The following FGFR2 variants were observed in gnomAD, a reference collection of about 807,000 sequenced individuals.
The protein encoded by FGFR2 is BEK fibroblast growth factor receptor.
In FGFR2, 19 loss-of-function variants were observed where a neutral mutation model predicts 95.9. The ratio of observed to expected loss-of-function variants is 0.20; its 90% CI spans 0.14 to 0.29. The LOEUF (loss-of-function observed/expected upper bound fraction) is 0.29, where lower values mean the gene tolerates loss of function less well. Among genes scored for constraint, FGFR2 ranks in the 10% least tolerant of loss-of-function variants. FGFR2 has a pLI of 1.00. For missense variants in FGFR2, 707 were observed against 1,056.9 expected (o/e 0.67, Z 4.59); for synonymous variants, 392 against 393.3 (o/e 1.00, Z 0.04).
rs2133941394 is a variant in FGFR2 at position 121,496,659 on chromosome 10, C to T, written c.1736G>A (p.Arg579Gln). Residue 579 changes from arginine to glutamine, a missense_variant, in exon 13 of 18, where the codon CGG becomes CAG. Physicochemically the swap from Arg to Gln is conservative, Grantham distance 43. Transcript: ENST00000358487. ...KGNLREYLRA[R>Q]RPPGMEYSYD... is the part of the protein sequence containing the mutation. Reference sequence around the variant, plus strand: ...GGAGTACTCCATCCCGGGTGGCCTCCGGGCTCGGAGGTATTCTCGGAGGTT... The same window carrying T: ...GGAGTACTCCATCCCGGGTGGCCTCTGGGCTCGGAGGTATTCTCGGAGGTT... 6.2e-7 allele frequency: 1 copy of T among 1,611,914 alleles called. No homozygotes were observed. Among genetic ancestry groups the T allele is most frequent in the Non-Finnish European group, 8.5e-7 (1 of 1,179,828 alleles).
chr10:121,532,269 C>G (rs1852185086), intron 6 of FGFR2, among the ~76,000 whole-genome samples: 1 of 152,180 alleles, frequency 6.6e-6, no homozygotes, highest in Non-Finnish European at 1.5e-5. Context: ...GCATGACAAC[C>G]TAAAAGGTAA....
At chr10:121,501,470 T>C (rs550172531) in intron 10 of FGFR2, among the ~76,000 whole-genome samples, 71 of 152,292 alleles carry the variant, frequency 4.7e-4, no homozygotes, top group Admixed American at 3.2e-3. Context: ...TTCTAAAAAA[T>C]TGGGGACTTT....
At chr10:121,526,537 C>A (rs1222076651) in intron 6 of FGFR2, among the ~76,000 whole-genome samples, 1 of 152,166 alleles carries the variant, frequency 6.6e-6, no homozygotes, top group African/African-American at 2.4e-5. Flanking sequence ...CCCAGAAATA[C>A]GAAGCTTTCT....
chr10:121,597,033 GTTTGAAAGCAGGTTTGCC>G (rs1289676942), intron 1 of FGFR2, among the ~76,000 whole-genome samples: 1 of 152,222 alleles, frequency 6.6e-6, no homozygotes, highest in African/African-American at 2.4e-5. Context: ...GGTGCCCTGA[GTTTGAAAGCAGGTTTGCC>G]TTTAAGGGTA....
rs1217193826 is a variant in FGFR2 at position 121,531,861 on chromosome 10, G to A, written c.748+6731C>T. 6.6e-6 allele frequency among the ~76,000 whole-genome samples: 1 copy of A among 152,198 alleles called. No individual in the cohort carries two copies. Among genetic ancestry groups the A allele is most frequent in the African/African-American group, 2.4e-5 (1 of 41,452 alleles). ...GCGATGGTTTATAAGAACAGGATGA[G>A]ATGGCTGCTGGGGACACGAAAGCGG... is the stretch of plus-strand genomic sequence containing the variant. On this transcript the variant is annotated intron_variant, in intron 6 of 17. Coordinates refer to ENST00000358487, the MANE Select transcript of FGFR2 (RefSeq NM_000141.5). The surrounding 1 kb of genome is among the most constrained non-coding windows in gnomAD (Gnocchi z 4.5).
chr10:121,583,730 A>G (rs1200771804), intron 2 of FGFR2, among the ~76,000 whole-genome samples: 2 of 151,620 alleles, frequency 1.3e-5, no homozygotes, highest in Non-Finnish European at 2.9e-5. Context: ...CAGATTTAGG[A>G]AAGAATGAGG....
At chr10:121,522,695 G>C (rs1850731469) in intron 6 of FGFR2, among the ~76,000 whole-genome samples, 1 of 152,072 alleles carries the variant, frequency 6.6e-6, no homozygotes, top group Non-Finnish European at 1.5e-5. Flanking sequence ...AAACTTACTG[G>C]AACCTTCCTA....
At position 121,479,953 on chromosome 10, in the gene FGFR2, A is replaced by T. The variant is rs2133682666; in HGVS notation, c.2370T>A (p.Cys790Ter). 6.2e-7 allele frequency: 1 copy of T among 1,614,216 alleles called. No individual in the cohort carries two copies. The highest frequency in any genetic ancestry group is 8.5e-7 in the Non-Finnish European group (1 of 1,180,040). Reference protein sequence around the residue: ...SPSYPDTRSSCSSGDDSVFSP... With the variant: ...SPSYPDTRSS ...AAAAAACAGAATCATCTCCTGAAGA[A>T]CAAGAACTTCTTGTGTCAGGGTAAC... Residue 790 changes from cysteine to a stop codon, truncating the protein, a stop_gained, in exon 18 of 18, where the codon TGT becomes TGA. Transcript: ENST00000358487. LOFTEE classifies it high-confidence loss of function.
At chr10:121,504,014 A>G in intron 9 of FGFR2, 73 bp from the exon 10 acceptor site, 1 of 1,572,666 alleles carries the variant, frequency 6.4e-7, no homozygotes, top group Non-Finnish European at 8.7e-7. Context: ...GCCAGAGCCC[A>G]GCCAGAGTAT....
intron 3 of FGFR2, 84 bp downstream of exon 3, chr10:121,565,354 A>C: frequency 1.3e-6 from 2 of 1,555,722 alleles, no homozygotes; most frequent in Non-Finnish European, 1.8e-6. Context: ...AATTACAATT[A>C]GAGATCTCAC....
chr10:121,577,782 C>T (rs1860159052), intron 2 of FGFR2, among the ~76,000 whole-genome samples: 1 of 152,084 alleles, frequency 6.6e-6, no homozygotes, highest in Admixed American at 6.5e-5. Context: ...TTCATATTTC[C>T]ACCTGCCCGG....
At chr10:121,590,276 C>A (rs954128351) in intron 2 of FGFR2, among the ~76,000 whole-genome samples, 42 of 152,082 alleles carry the variant, frequency 2.8e-4, no homozygotes, top group African/African-American at 9.7e-4. Flanking sequence ...AACAAAGATG[C>A]CATTAATGTC....
chr10:121,486,742 C>G (rs550654418), intron 15 of FGFR2, among the ~76,000 whole-genome samples: 1 of 152,224 alleles, frequency 6.6e-6, no homozygotes, highest in Non-Finnish European at 1.5e-5. Flanking sequence ...CTGCACACAG[C>G]CTTCAACTGA....
chr10:121,512,654 T>A (rs1371430088), intron 9 of FGFR2, among the ~76,000 whole-genome samples: 1 of 152,134 alleles, frequency 6.6e-6, no homozygotes, highest in Non-Finnish European at 1.5e-5. Flanking sequence ...TTCAGCCTCC[T>A]GTGGAGCTAG....
chr10:121,506,295 T>G (rs1473982795), intron 9 of FGFR2, among the ~76,000 whole-genome samples: 1 of 142,688 alleles, frequency 7.0e-6, no homozygotes, highest in Non-Finnish European at 1.5e-5. Flanking sequence ...GAGGCAGAGG[T>G]TGCAGTGAGC....
chr10:121,561,497 G>C lies in FGFR2; in HGVS notation c.454+3005C>G, dbSNP rs576255868. Among the ~76,000 whole-genome samples, 67 of 149,812 alleles carry C rather than the reference G, an allele frequency of 4.5e-4. No individual in the cohort carries two copies. The Middle Eastern group carries it at 0.014, about 31-fold the overall frequency. On this transcript the variant is annotated intron_variant, in intron 4 of 17. Transcript: ENST00000358487. The stretch of plus-strand genomic sequence containing the variant: ...GTCCCAGAACCACTGGACATCCACA[G>C]GCTAAAAAGTGAATCCACACACACA...
At chr10:121,592,710 C>A (rs1001930252) in intron 2 of FGFR2, among the ~76,000 whole-genome samples, 1 of 152,142 alleles carries the variant, frequency 6.6e-6, no homozygotes, top group Non-Finnish European at 1.5e-5. Flanking sequence ...ACCCCACGCA[C>A]GAGATGTGTT....
intron 3 of FGFR2, 88 bp from the exon 4 acceptor site, chr10:121,564,667 A>G (rs1857423966): frequency 5.1e-6 from 6 of 1,178,808 alleles, no homozygotes; most frequent in African/African-American, 1.5e-5. Context: ...TCTCCATAGC[A>G]AAGTCAACAA....
chr10:121,494,740 T>C lies in FGFR2; in HGVS notation c.1863+1792A>G, dbSNP rs1846554060. 2.0e-5 allele frequency among the ~76,000 whole-genome samples: 3 copies of C among 152,196 alleles called. 1 individual carries two copies. The highest frequency in any genetic ancestry group is 4.1e-4 in the South Asian group (2 of 4,826). On this transcript the variant is annotated intron_variant, in intron 13 of 17. Coordinates refer to ENST00000358487, the MANE Select transcript of FGFR2 (RefSeq NM_000141.5). ...CTTGGGATAGTGAATGGATTGATTA[T>C]ATTTTATGGCTGGACCACTTAAAAC...
Sources: allele counts gnomAD v4.1 joint callset (sites outside exome capture counted in the v4.1 genomes callset), GRCh38; gene constraint gnomAD v4.1.1; non-coding constraint Gnocchi (gnomAD v3.1); transcripts MANE v1.5; gene names NCBI Gene and HGNC (gene_info 2026-07-23, HGNC 2026-07-21).